ACYP2: variants seen among roughly 807,000 people sequenced by gnomAD.
ACYP2 encodes acylphosphatase 2, also known as acylphosphatase-2.
In ACYP2, 12 loss-of-function variants were observed where a neutral mutation model predicts 11.2. The ratio of observed to expected loss-of-function variants is 1.08; its 90% CI spans 0.69 to 1.74. The LOEUF is 1.74. ACYP2 is among the 40% of genes most tolerant of loss of function. The probability of loss-of-function intolerance (pLI) is 0.00; values close to 1 mark genes in which losing one functional copy is unlikely to be tolerated. For missense variants in ACYP2, 134 were observed against 101.9 expected, an observed-to-expected ratio of 1.31 and a Z score of -1.35; for synonymous variants, 43 against 32.2, an observed-to-expected ratio of 1.33 and a Z score of -1.13.
intron 6 of ACYP2, among the ~76,000 whole-genome samples, chr2:54,168,638 T>C (rs925535968): frequency 1.3e-5 from 2 of 152,156 alleles, no homozygotes; most frequent in South Asian, 2.1e-4. Flanking sequence ...ATTATTGTTA[T>C]ATATCAGCTG....
intron 4 of ACYP2, among the ~76,000 whole-genome samples, chr2:54,074,970 A>G (rs961926817): frequency 2.0e-5 from 3 of 152,214 alleles, no homozygotes; most frequent in Non-Finnish European, 4.4e-5. Flanking sequence ...TTGATCATGT[A>G]TCTGGGCACT....
intron 6 of ACYP2, among the ~76,000 whole-genome samples, chr2:54,300,042 C>A (rs1025852042): frequency 6.6e-6 from 1 of 152,244 alleles, no homozygotes; most frequent in Non-Finnish European, 1.5e-5. Flanking sequence ...CTCCCTCACA[C>A]TGAGAAAATG....
chr2:54,121,000 A>G lies in ACYP2; in HGVS notation c.278-14453A>G, dbSNP rs533675636. ...GGGTCCTGCTGCCTGCAGCTCAGCA[A>G]ATGGGGGCATGTTGGCACACAATGG... On this transcript the variant is annotated intron_variant, in intron 4 of 6. Transcript: ENST00000607452. 5.3e-5 allele frequency among the ~76,000 whole-genome samples: 8 copies of G among 152,248 alleles called. No homozygotes were observed. The East Asian group carries it at 1.5e-3, about 29-fold the overall frequency.
chr2:54,113,454 G>T (rs1259295503), intron 4 of ACYP2, among the ~76,000 whole-genome samples: 3 of 152,024 alleles, frequency 2.0e-5, no homozygotes, highest in Non-Finnish European at 2.9e-5. Context: ...TATTGTCCAG[G>T]CTGGTCATCT....
chr2:54,101,415 A>G (rs376339494), intron 4 of ACYP2, among the ~76,000 whole-genome samples: 2 of 152,108 alleles, frequency 1.3e-5, no homozygotes, highest in African/African-American at 4.8e-5. Context: ...TCACGCCTGT[A>G]ATCCCAGCAC....
chr2:54,269,463 AACTGATGAC>A (rs1046548914), intron 6 of ACYP2, among the ~76,000 whole-genome samples: 34 of 152,372 alleles, frequency 2.2e-4, no homozygotes, highest in Admixed American at 9.1e-4. Flanking sequence ...GAGAAAGACA[AACTGATGAC>A]ACTGATATCC....
chr2:54,022,704 G>A (rs895283880), intron 2 of ACYP2, among the ~76,000 whole-genome samples: 1 of 152,152 alleles, frequency 6.6e-6, no homozygotes, highest in Non-Finnish European at 1.5e-5. Context: ...TTAAGCTGAA[G>A]GAATTTGAGA....
At position 54,275,428 on chromosome 2, in the gene ACYP2, C is replaced by A. The variant is rs186387813; in HGVS notation, c.405-29260C>A. 2.2e-3 allele frequency among the ~76,000 whole-genome samples: 336 copies of A among 152,290 alleles called. 1 individual carries two copies. Among genetic ancestry groups the A allele is most frequent in the African/African-American group, 7.6e-3 (317 of 41,570 alleles). On this transcript the variant is annotated intron_variant, in intron 6 of 6. Coordinates refer to ENST00000607452, the MANE Select transcript of ACYP2 (RefSeq NM_001320586.2). Reference sequence around the variant, plus strand: ...TATTTCATAGAGGTAAAAATCTCATCAGTATGCTGGCAACAGTCTTTAATT... The same window carrying A: ...TATTTCATAGAGGTAAAAATCTCATAAGTATGCTGGCAACAGTCTTTAATT...
At chr2:54,053,358 G>T (rs73935033) in intron 3 of ACYP2, among the ~76,000 whole-genome samples, 1,581 of 152,270 alleles carry the variant, frequency 0.01, 33 homozygotes, top group African/African-American at 0.036. Flanking sequence ...CATATGCAGA[G>T]GTGCACTCGG....
intron 6 of ACYP2, among the ~76,000 whole-genome samples, chr2:54,291,194 T>C (rs1174638000): frequency 6.6e-6 from 1 of 152,224 alleles, no homozygotes; most frequent in Non-Finnish European, 1.5e-5. Flanking sequence ...TAAAATACCT[T>C]TGCCTTGGGT....
At chr2:53,972,497 C>T (rs536195025) in intron 1 of ACYP2, among the ~76,000 whole-genome samples, 29 of 152,086 alleles carry the variant, frequency 1.9e-4, no homozygotes, top group African/African-American at 6.0e-4. Flanking sequence ...GTCCCAGCTA[C>T]TCGGGAGGCT....
intron 2 of ACYP2, among the ~76,000 whole-genome samples, chr2:53,986,154 TAAATA>T (rs760566362): frequency 1.3e-5 from 2 of 151,392 alleles, no homozygotes; most frequent in East Asian, 1.9e-4. Context: ...TAAAAATAAA[TAAATA>T]AAATAAAATA....
intron 6 of ACYP2, among the ~76,000 whole-genome samples, chr2:54,274,645 A>G (rs974724854): frequency 1.4e-5 from 2 of 148,124 alleles, no homozygotes; most frequent in African/African-American, 4.9e-5. Context: ...AAAAAAAAAA[A>G]AAAAAAAAGT....
At chr2:54,295,603 T>G (rs995358758) in intron 6 of ACYP2, among the ~76,000 whole-genome samples, 4 of 152,118 alleles carry the variant, frequency 2.6e-5, no homozygotes, top group African/African-American at 9.7e-5. Context: ...CAGTATACAT[T>G]TATTTCTTCG....
chr2:54,220,873 G>A (rs1307236844), intron 6 of ACYP2, among the ~76,000 whole-genome samples: 2 of 152,160 alleles, frequency 1.3e-5, no homozygotes, highest in African/African-American at 4.8e-5. Flanking sequence ...TAAAAATGTA[G>A]ATGTAGAAAT....
intron 2 of ACYP2, among the ~76,000 whole-genome samples, chr2:54,006,949 AC>A (rs1322564490): frequency 6.6e-6 from 1 of 151,756 alleles, no homozygotes; most frequent in African/African-American, 2.4e-5. Context: ...ATATGGAGAA[AC>A]CCCATCTCTA....
chr2:54,029,596 C>A, intron 2 of ACYP2: 1 of 389,174 alleles, frequency 2.6e-6, no homozygotes, highest in Non-Finnish European at 4.9e-6. Context: ...ATCCAGGTAA[C>A]TTTCTCTTTG....
At chr2:54,134,556 T>G (rs1681113249) in intron 4 of ACYP2, among the ~76,000 whole-genome samples, 2 of 152,244 alleles carry the variant, frequency 1.3e-5, no homozygotes, top group African/African-American at 4.8e-5. Flanking sequence ...ATTTAGCATT[T>G]AAAAATAGAA....
At chr2:54,281,510 C>T (rs932957112) in intron 6 of ACYP2, among the ~76,000 whole-genome samples, 5 of 152,086 alleles carry the variant, frequency 3.3e-5, no homozygotes, top group African/African-American at 4.8e-5. Context: ...AGATTTCAGT[C>T]GAGTAAGACT....
Sources: gnomAD v4.1 joint callset for allele counts (sites outside exome capture counted in the v4.1 genomes callset) on GRCh38, gnomAD v4.1.1 for gene constraint, MANE v1.5 for transcripts, NCBI Gene and HGNC (gene_info 2026-07-23, HGNC 2026-07-21) for gene names.